The following ARHGAP22 variants were observed in gnomAD, a reference collection of about 807,000 sequenced individuals.
ARHGAP22 encodes the protein Rho GTPase activating protein 22.
ARHGAP22 carries 48 observed loss-of-function variants against 59.1 expected under a neutral mutation model. The ratio of observed to expected loss-of-function variants is 0.81; its 90% confidence interval spans 0.64 to 1.03. The LOEUF (loss-of-function observed/expected upper bound fraction) is 1.03. Ranked by LOEUF, ARHGAP22 falls within the 50% of genes least tolerant of loss-of-function variation. The probability of loss-of-function intolerance (pLI) is 0.00; values close to 1 mark genes in which losing one functional copy is unlikely to be tolerated. For synonymous variants in ARHGAP22, 445 were observed against 416.4 expected (o/e 1.07, Z -0.84); for missense variants, 1,015 against 958.7 (o/e 1.06, Z -0.78).
chr10:48,434,847 C>CTGCAACTGATT, the ARHGAP22 span: 5 of 1,574,704 alleles, frequency 3.2e-6, no homozygotes, highest in Non-Finnish European at 4.3e-6. Flanking sequence ...CTGCAGCTGT[C>CTGCAACTGATT]TGCAACTGAT....
chr10:48,569,808 C>T (rs1034499459), intron 2 of ARHGAP22, among the ~76,000 whole-genome samples: 7 of 152,132 alleles, frequency 4.6e-5, no homozygotes, highest in Admixed American at 2.6e-4. Flanking sequence ...CAAAACAATT[C>T]GGGGGCAACC....
At chr10:48,639,854 A>T (rs542924624) in intron 1 of ARHGAP22, among the ~76,000 whole-genome samples, 5 of 152,364 alleles carry the variant, frequency 3.3e-5, no homozygotes, top group Non-Finnish European at 7.4e-5. Flanking sequence ...TGTAAAAAAA[A>T]AAGTCAATTG....
chr10:48,602,744 C>T lies in ARHGAP22; in HGVS notation c.34+2019G>A, dbSNP rs543035280. Among the ~76,000 whole-genome samples, 11 of 152,298 alleles carry T rather than the reference C, an allele frequency of 7.2e-5. No homozygotes were observed. The South Asian group carries it at 2.3e-3, about 32-fold the overall frequency. ...CTTTCACGAAGCTCATGGAGCAATG[C>T]AAGTGACAGATATTCACCAATCAGT... On this transcript the variant is annotated intron_variant, in intron 1 of 9. Coordinates refer to ENST00000249601, the MANE Select transcript of ARHGAP22 (RefSeq NM_021226.4).
At chr10:48,621,468 T>A (rs747790689) in intron 1 of ARHGAP22, among the ~76,000 whole-genome samples, 2 of 152,246 alleles carry the variant, frequency 1.3e-5, no homozygotes, top group Non-Finnish European at 2.9e-5. Context: ...TTTAAGTAAA[T>A]GGTAACTATT....
chr10:48,458,445 AC>A (rs577397596), intron 5 of ARHGAP22, among the ~76,000 whole-genome samples: 3 of 151,396 alleles, frequency 2.0e-5, no homozygotes, highest in East Asian at 3.9e-4. Context: ...CCAGGTGGAG[AC>A]CCCCCCAGCA....
upstream of ARHGAP22, among the ~76,000 whole-genome samples, chr10:48,655,008 C>CCCTT (rs2062727463): frequency 1.3e-5 from 1 of 76,546 alleles, no homozygotes. Flanking sequence ...CTCTTTCTTT[C>CCCTT]TCTTTCTTTC....
intron 1 of ARHGAP22, among the ~76,000 whole-genome samples, chr10:48,619,971 T>C (rs907767864): frequency 1.3e-5 from 2 of 152,130 alleles, no homozygotes; most frequent in African/African-American, 4.8e-5. Context: ...TAATATCCAT[T>C]ATATACAAGG....
At chr10:48,606,747 G>C (rs2060692437), upstream of ARHGAP22, among the ~76,000 whole-genome samples, 1 of 152,122 alleles carries the variant, frequency 6.6e-6, no homozygotes, top group Non-Finnish European at 1.5e-5. Flanking sequence ...TCCTCACATT[G>C]CCTTGTCCTC....
chr10:48,470,137 T>C (rs770791281), intron 4 of ARHGAP22, among the ~76,000 whole-genome samples: 8 of 152,204 alleles, frequency 5.3e-5, no homozygotes, highest in Admixed American at 2.6e-4. Context: ...TCTGGTTCTG[T>C]GATCTGAGGT....
chr10:48,638,480 C>T (rs1459503433), intron 1 of ARHGAP22, among the ~76,000 whole-genome samples: 1 of 152,096 alleles, frequency 6.6e-6, no homozygotes, highest in Non-Finnish European at 1.5e-5. Flanking sequence ...TAAAACTAAT[C>T]ATCTCATTAC....
intron 3 of ARHGAP22, among the ~76,000 whole-genome samples, chr10:48,548,700 G>A (rs2056661521): frequency 6.6e-6 from 1 of 152,208 alleles, no homozygotes; most frequent in Non-Finnish European, 1.5e-5. Context: ...AAAAAGCCCA[G>A]GTCTGAGAGG....
chr10:48,559,466 T>C lies in ARHGAP22; in HGVS notation c.235-3916A>G, dbSNP rs557492485. 5.9e-5 allele frequency among the ~76,000 whole-genome samples: 9 copies of C among 152,368 alleles called. No homozygotes were observed. The South Asian group carries it at 1.9e-3, about 32-fold the overall frequency. ...GTAAGTAGCTAATGGACAAAGGATGTGCCATTTTGTCTGCATCTAGGAGGG... is the reference window on the plus strand; with the variant it reads ...GTAAGTAGCTAATGGACAAAGGATGCGCCATTTTGTCTGCATCTAGGAGGG... On this transcript the variant is annotated intron_variant, in intron 2 of 9. Coordinates refer to ENST00000249601, the MANE Select transcript of ARHGAP22 (RefSeq NM_021226.4).
chr10:48,633,252 T>C (rs1589253583), intron 1 of ARHGAP22, among the ~76,000 whole-genome samples: 1 of 152,344 alleles, frequency 6.6e-6, no homozygotes, highest in South Asian at 2.1e-4. Context: ...CTCTCATTTC[T>C]GCAGACAATC....
chr10:48,606,774 A>G (rs373638808), upstream of ARHGAP22, among the ~76,000 whole-genome samples: 1 of 152,124 alleles, frequency 6.6e-6, no homozygotes, highest in African/African-American at 2.4e-5. Flanking sequence ...CAATTCCCCA[A>G]TGAAATTCTC....
intron 9 of ARHGAP22, among the ~76,000 whole-genome samples, chr10:48,449,551 G>A (rs2045690095): frequency 6.6e-6 from 1 of 152,224 alleles, no homozygotes; most frequent in African/African-American, 2.4e-5. Flanking sequence ...GTGGGACCCA[G>A]GTGAACAGGT....
chr10:48,519,808 G>T (rs988319405), intron 3 of ARHGAP22, among the ~76,000 whole-genome samples: 4 of 152,210 alleles, frequency 2.6e-5, no homozygotes, highest in Admixed American at 2.0e-4. Flanking sequence ...GAGCCTGGGA[G>T]GGGGAGGGGG....
intron 3 of ARHGAP22, among the ~76,000 whole-genome samples, chr10:48,516,015 A>G (rs1336669631): frequency 2.0e-5 from 3 of 151,804 alleles, no homozygotes; most frequent in Admixed American, 2.0e-4. Flanking sequence ...CCTTAACTCA[A>G]AAAAAAACAA....
At chr10:48,573,539 C>G (rs184044019) in intron 2 of ARHGAP22, among the ~76,000 whole-genome samples, 1 of 152,328 alleles carries the variant, frequency 6.6e-6, no homozygotes, top group African/African-American at 2.4e-5. Flanking sequence ...AAGGGCTGGT[C>G]TCAGGGAGCT....
chr10:48,607,229 C>T (rs192912046), upstream of ARHGAP22, among the ~76,000 whole-genome samples: 78 of 152,292 alleles, frequency 5.1e-4, no homozygotes, highest in Non-Finnish European at 1.0e-3. Context: ...CACCCCCAGG[C>T]GCTTTTCCTG....
Sources: allele counts gnomAD v4.1 joint callset (sites outside exome capture counted in the v4.1 genomes callset), GRCh38; gene constraint gnomAD v4.1.1; transcripts MANE v1.5; gene names NCBI Gene and HGNC (gene_info 2026-07-23, HGNC 2026-07-21).